The following DHX29 variants were observed in gnomAD, a reference collection of about 807,000 sequenced individuals.
DHX29 encodes DExH-box helicase 29, also known as ATP-dependent RNA helicase DHX29.
In DHX29, 79 loss-of-function variants were observed where a neutral mutation model predicts 167.9. That is an observed-to-expected ratio of 0.47 (90% CI 0.39 to 0.57). The LOEUF (loss-of-function observed/expected upper bound fraction) is 0.57. DHX29 is among the 20% of genes least tolerant of loss of function. The pLI, the probability that DHX29 is intolerant of heterozygous loss-of-function variation, is 0.00. For synonymous variants in DHX29, 530 were observed against 546.0 expected, an observed-to-expected ratio of 0.97 and a Z score of 0.41; for missense variants, 1,347 against 1,593.4, an observed-to-expected ratio of 0.85 and a Z score of 2.63.
chr5:55,259,366 G>A (rs994831684), intron 26 of DHX29, among the ~76,000 whole-genome samples: 1 of 152,076 alleles, frequency 6.6e-6, no homozygotes, highest in African/African-American at 2.4e-5. Flanking sequence ...TAAAGTAGAT[G>A]GGATTTTTTA....
At chr5:55,263,823 T>A (rs1746426280) in intron 23 of DHX29, among the ~76,000 whole-genome samples, 1 of 149,230 alleles carries the variant, frequency 6.7e-6, no homozygotes, top group Non-Finnish European at 1.5e-5. Flanking sequence ...GCCCTTCATG[T>A]GCTTCGAGAA....
intron 16 of DHX29, 59 bp from the exon 17 acceptor site, chr5:55,273,436 A>C: frequency 7.0e-7 from 1 of 1,420,896 alleles, no homozygotes. Context: ...ACTGCAAAGA[A>C]TAACAAAATT....
chr5:55,294,149 G>A lies in DHX29; in HGVS notation c.652-4C>T. On this transcript the variant is annotated splice_polypyrimidine_tract_variant and splice_region_variant and intron_variant, in intron 5 of 26. Transcript: ENST00000251636. ...TATTTTTTTCTTCCTTTTTTGGCTA[G>A]AAAGAGAAAACAAATATCTGAAAAA... The A allele has an allele frequency of 6.3e-7, 1 of 1,577,418 alleles. No individual in the cohort carries two copies. Among genetic ancestry groups the A allele is most frequent in the South Asian group, 1.2e-5 (1 of 86,604 alleles).
At position 55,307,464 on chromosome 5, in the gene DHX29, T is replaced by C. The variant is rs1182757441; in HGVS notation, c.110A>G (p.Gln37Arg). 1 of 1,613,378 alleles carries C rather than the reference T, an allele frequency of 6.2e-7. No individual in the cohort carries two copies. Among genetic ancestry groups the C allele is most frequent in the Non-Finnish European group, 8.5e-7 (1 of 1,179,956 alleles). ...SAEAGIAGEA[Q>R]SKKPVSRPAT... ...CGGCCTGGACACTGGCTTCTTGCTT[T>C]GGGCCTCCCCGGCAATTCCAGCCTC... The change falls in exon 1 of 27, where the codon CAA (glutamine) becomes CGA (arginine). Residue 37 changes from glutamine (Q) to arginine (R), a missense_variant. Gln to Arg is a conservative substitution (Grantham distance 43). This residue lies in a region of DHX29 where 405 missense variants were observed against 416.8 expected (regional missense o/e 0.97). Coordinates refer to ENST00000251636, the MANE Select transcript of DHX29 (RefSeq NM_019030.4).
rs146700748 is a variant in DHX29, at chr5:55,301,628, G to A, written c.188-2964C>T. Among the ~76,000 whole-genome samples, 208 of 148,360 alleles carry A rather than the reference G, an allele frequency of 1.4e-3. 2 individuals are homozygous for A. The Middle Eastern group carries it at 0.025, about 18-fold the overall frequency. ...CTCGGGAGGCTGAGGCAGGAGAATC[G>A]CTTGAACTCAGAAGGCGGAGGTTGC... On this transcript the variant is annotated intron_variant, in intron 1 of 26. Transcript: ENST00000251636.
rs759867654 is a variant in DHX29, at chr5:55,307,465, G to C, written c.109C>G (p.Gln37Glu). Residue 37 changes from glutamine to glutamate, a missense_variant, in exon 1 of 27, where the codon CAA becomes GAA. Gln to Glu is a conservative substitution (Grantham distance 29). Transcript: ENST00000251636. ...SAEAGIAGEA[Q>E]SKKPVSRPAT... ...GGCCTGGACACTGGCTTCTTGCTTT[G>C]GGCCTCCCCGGCAATTCCAGCCTCG... 2 of 1,613,344 alleles carry C rather than the reference G, an allele frequency of 1.2e-6. No homozygotes were observed. The highest frequency in any genetic ancestry group is 1.3e-5 in the African/African-American group (1 of 74,932).
chr5:55,276,025 C>T (rs566791631), intron 14 of DHX29, among the ~76,000 whole-genome samples: 12 of 152,204 alleles, frequency 7.9e-5, no homozygotes, highest in East Asian at 7.7e-4. Flanking sequence ...ATTTTGTATG[C>T]GTACCTAAGA....
chr5:55,256,627 T>G, intron 26 of DHX29, 87 bp from the exon 27 acceptor site: 1 of 1,235,792 alleles, frequency 8.1e-7, no homozygotes, highest in Non-Finnish European at 1.1e-6. Context: ...GAGGTATATG[T>G]CACTAAAAAT....
At chr5:55,269,734 T>G (rs553343865) in intron 20 of DHX29, 97 bp from the exon 21 acceptor site, 54 of 999,968 alleles carry the variant, frequency 5.4e-5, no homozygotes, top group African/African-American at 9.8e-5. Flanking sequence ...CAGTAAAATT[T>G]TGAGCAAAGA....
rs1474859727 is a variant in DHX29, at chr5:55,297,401, G to A, written c.262-3C>T. On this transcript the variant is annotated splice_polypyrimidine_tract_variant and splice_region_variant and intron_variant, in intron 2 of 26. Coordinates refer to ENST00000251636, the MANE Select transcript of DHX29 (RefSeq NM_019030.4). ...TCTAGTTTGTTATTAATTACCACCT[G>A]TTGAGGCCAAAAAGGTCATATCATT... is the stretch of plus-strand genomic sequence containing the variant. 1.7e-6 allele frequency: 2 copies of A among 1,172,524 alleles called. No individual in the cohort carries two copies. Among genetic ancestry groups the A allele is most frequent in the South Asian group, 1.3e-5 (1 of 77,970 alleles). 72.6% of individuals were successfully genotyped at this position (1,172,524 alleles called of 1,614,324 possible). A position where few individuals can be genotyped will look rare whatever the true frequency, so the allele number is the denominator to read the frequency against.
chr5:55,296,495 G>T, intron 3 of DHX29, 146 bp from the exon 4 acceptor site: 1 of 1,095,194 alleles, frequency 9.1e-7, no homozygotes, highest in Non-Finnish European at 1.2e-6. Context: ...AATGAAATGT[G>T]TTTACTGAAT....
intron 24 of DHX29, among the ~76,000 whole-genome samples, chr5:55,261,774 G>C (rs1000735437): frequency 2.6e-5 from 4 of 152,084 alleles, no homozygotes; most frequent in African/African-American, 9.7e-5. Context: ...CTAGGTACAA[G>C]CAATTTTATA....
At chr5:55,264,856 G>A (rs1209077596) in intron 23 of DHX29, among the ~76,000 whole-genome samples, 1 of 152,072 alleles carries the variant, frequency 6.6e-6, no homozygotes, top group East Asian at 1.9e-4. Context: ...GTACCTCAGG[G>A]TATTCAAATA....
At chr5:55,300,884 C>A (rs1410075338) in intron 1 of DHX29, among the ~76,000 whole-genome samples, 2 of 152,146 alleles carry the variant, frequency 1.3e-5, no homozygotes, top group African/African-American at 2.4e-5. Flanking sequence ...AAATTTATTT[C>A]TCATAGTTCT....
intron 1 of DHX29, among the ~76,000 whole-genome samples, chr5:55,303,642 T>C (rs1157528801): frequency 1.3e-5 from 2 of 152,226 alleles, no homozygotes; most frequent in African/African-American, 2.4e-5. Context: ...ATTTTAACTT[T>C]TTCTTTCTTC....
At chr5:55,287,062 T>C (rs1747768832) in intron 8 of DHX29, among the ~76,000 whole-genome samples, 1 of 152,220 alleles carries the variant, frequency 6.6e-6, no homozygotes. Flanking sequence ...TAATTACGTA[T>C]TGTATATATT....
chr5:55,290,322 G>C lies in DHX29; in HGVS notation c.803C>G (p.Ala268Gly), dbSNP rs538043786. 2 of 1,609,646 alleles carry C rather than the reference G, an allele frequency of 1.2e-6. No individual in the cohort carries two copies. The highest frequency in any genetic ancestry group is 4.5e-5 in the East Asian group (2 of 44,800). Residue 268 changes from alanine to glycine, a missense_variant, in exon 7 of 27, where the codon GCA becomes GGA. Coordinates refer to ENST00000251636, the MANE Select transcript of DHX29 (RefSeq NM_019030.4). ...TTCTTTTGCATCCAGCAGTTTTGCT[G>C]CAAGATGTAAGTACCTTTCATTCTG... ...FDPNERYLHL[A>G]AKLLDAKEQA...
chr5:55,306,333 C>T (rs1387670642), intron 1 of DHX29, among the ~76,000 whole-genome samples: 4 of 152,134 alleles, frequency 2.6e-5, no homozygotes, highest in Non-Finnish European at 4.4e-5. Flanking sequence ...TCATTACGCC[C>T]GCCTGGAATA....
In DHX29 at chr5:55,290,220, C is replaced by T. The variant is rs796568897; in HGVS notation, c.905G>A (p.Arg302Lys). The stretch of plus-strand genomic sequence containing the variant: ...TCTAAGTATTTGAAAGTGTTTACCT[C>T]TTTGAAATTTCCTTATTTTTTCCTG... ...EAQEKIRKFQ[R>K]EMETLEDHPV... is the part of the protein sequence containing the mutation. Residue 302 changes from arginine to lysine, a missense_variant and splice_region_variant, in exon 7 of 27, where the codon AGA becomes AAA. Around this residue, in one of 3 missense-constraint regions of DHX29, gnomAD observed 405 missense variants for 416.8 expected, o/e 0.97. Transcript: ENST00000251636. 1.9e-6 allele frequency: 3 copies of T among 1,606,918 alleles called. No homozygotes were observed. The highest frequency in any genetic ancestry group is 1.7e-6 in the Non-Finnish European group (2 of 1,178,696).
Sources: gnomAD v4.1 joint callset for allele counts (sites outside exome capture counted in the v4.1 genomes callset) on GRCh38, gnomAD v4.1.1 for gene constraint, gnomAD v4.1.1 regional missense constraint, MANE v1.5 for transcripts, NCBI Gene and HGNC (gene_info 2026-07-23, HGNC 2026-07-21) for gene names.